The following DPP10 variants were observed in gnomAD, a reference collection of about 807,000 sequenced individuals.
DPP10 encodes inactive dipeptidyl peptidase 10.
DPP10 carries 33 observed loss-of-function variants against 120.9 expected under a neutral mutation model. The observed-to-expected ratio is 0.27, with a 90% CI of 0.21 to 0.37. DPP10 has a LOEUF of 0.37. Among genes scored for constraint, DPP10 ranks in the 10% least tolerant of loss-of-function variants. The probability of loss-of-function intolerance (pLI) is 1.00; values close to 1 mark genes in which losing one functional copy is unlikely to be tolerated. For synonymous variants in DPP10, 337 were observed against 326.1 expected, an observed-to-expected ratio of 1.03 and a Z score of -0.36; for missense variants, 816 against 942.8, an observed-to-expected ratio of 0.87 and a Z score of 1.76.
intron 1 of DPP10, among the ~76,000 whole-genome samples, chr2:115,307,450 T>C (rs2061403572): frequency 6.6e-6 from 1 of 152,136 alleles, no homozygotes; most frequent in South Asian, 2.1e-4. Flanking sequence ...TTCCTGTTCT[T>C]ACATTGTGAA....
chr2:114,859,528 G>T (rs1689644814), intron 1 of DPP10, among the ~76,000 whole-genome samples: 1 of 152,176 alleles, frequency 6.6e-6, no homozygotes, highest in South Asian at 2.1e-4. Flanking sequence ...TGATTCAACA[G>T]ATTATTCACG....
chr2:115,569,530 A>C (rs1451754497), intron 5 of DPP10, among the ~76,000 whole-genome samples: 1 of 152,208 alleles, frequency 6.6e-6, no homozygotes, highest in African/African-American at 2.4e-5. Flanking sequence ...TTAATAAAAG[A>C]GTGTGCTGGT....
At chr2:115,489,357 T>C (rs1224402082) in intron 3 of DPP10, among the ~76,000 whole-genome samples, 2 of 151,502 alleles carry the variant, frequency 1.3e-5, no homozygotes, top group East Asian at 3.9e-4. Context: ...CCAAACAGAC[T>C]CTCTCTTGGC....
intron 1 of DPP10, among the ~76,000 whole-genome samples, chr2:114,988,495 T>G (rs914568449): frequency 6.6e-6 from 1 of 152,196 alleles, no homozygotes; most frequent in African/African-American, 2.4e-5. Flanking sequence ...ATTTTTTTTC[T>G]CATCTACTGC....
intron 1 of DPP10, among the ~76,000 whole-genome samples, chr2:114,630,273 C>A (rs555674421): frequency 6.6e-6 from 1 of 152,200 alleles, no homozygotes; most frequent in Non-Finnish European, 1.5e-5. Context: ...CTGGTCGTGA[C>A]CTCTTAAGAG....
chr2:114,754,715 G>T (rs1679570048), intron 1 of DPP10, among the ~76,000 whole-genome samples: 1 of 152,066 alleles, frequency 6.6e-6, no homozygotes, highest in South Asian at 2.1e-4. Flanking sequence ...AAGGCAGCCT[G>T]TTCACTCGTG....
chr2:115,319,848 G>A (rs1333017376), intron 2 of DPP10, among the ~76,000 whole-genome samples: 2 of 152,132 alleles, frequency 1.3e-5, no homozygotes, highest in Admixed American at 6.6e-5. Flanking sequence ...AAGGAACACT[G>A]CATTCTCACA....
At chr2:114,981,457 A>G (rs1700086615) in intron 1 of DPP10, among the ~76,000 whole-genome samples, 1 of 152,244 alleles carries the variant, frequency 6.6e-6, no homozygotes, top group South Asian at 2.1e-4. Context: ...AAGTGAATAC[A>G]TATGTGCATG....
At chr2:114,810,515 C>A (rs1685089331) in intron 1 of DPP10, among the ~76,000 whole-genome samples, 1 of 152,110 alleles carries the variant, frequency 6.6e-6, no homozygotes, top group African/African-American at 2.4e-5. Context: ...GATCATCATA[C>A]AATAAGATAT....
At chr2:115,600,800 T>C (rs904626373) in intron 5 of DPP10, among the ~76,000 whole-genome samples, 2 of 152,214 alleles carry the variant, frequency 1.3e-5, no homozygotes, top group African/African-American at 4.8e-5. Context: ...GTTGAATATT[T>C]CTGTTTGATT....
chr2:114,911,331 T>G (rs1694353222), intron 1 of DPP10, among the ~76,000 whole-genome samples: 1 of 152,186 alleles, frequency 6.6e-6, no homozygotes, highest in South Asian at 2.1e-4. Context: ...ATGAATCCAT[T>G]TACTCATCTA....
rs188966252 is a variant in DPP10, at chr2:115,753,380, A to G, written c.1074+83A>G. ...AAAGGGGAAACAGGAAATGCTTTGT[A>G]CAAAAAAAATTCAGTGTTTAACTTT... is the stretch of plus-strand genomic sequence containing the variant. On this transcript the variant is annotated intron_variant, in intron 11 of 25. Transcript: ENST00000410059. The G allele has an allele frequency of 5.2e-6, 7 of 1,351,366 alleles. No individual in the cohort carries two copies. In the East Asian group the frequency reaches 7.7e-5, roughly 15 times the overall value. The allele number at this position is 1,351,366 out of a possible 1,614,324, so 83.7% of individuals were successfully genotyped here.
chr2:114,632,714 G>C (rs367548003), intron 1 of DPP10, among the ~76,000 whole-genome samples: 2 of 151,762 alleles, frequency 1.3e-5, no homozygotes, highest in African/African-American at 4.8e-5. Flanking sequence ...GAGTTTCACC[G>C]TGTTAGCCAG....
chr2:114,671,435 A>C (rs1698334184), intron 1 of DPP10, among the ~76,000 whole-genome samples: 1 of 152,118 alleles, frequency 6.6e-6, no homozygotes, highest in African/African-American at 2.4e-5. Context: ...GAGGTGTTTG[A>C]GTCTGCTTGT....
chr2:114,653,023 A>AGTGTGT (rs1307967017), intron 1 of DPP10, among the ~76,000 whole-genome samples: 158 of 102,618 alleles, frequency 1.5e-3, no homozygotes, highest in African/African-American at 7.6e-3. Flanking sequence ...AGAGAGAGAG[A>AGTGTGT]GAGAGTGTGT....
At chr2:115,029,832 T>G (rs1703718347) in intron 1 of DPP10, among the ~76,000 whole-genome samples, 1 of 152,178 alleles carries the variant, frequency 6.6e-6, no homozygotes, top group South Asian at 2.1e-4. Flanking sequence ...AGTGCTTAGT[T>G]TCAGTCTAAT....
chr2:114,467,662 T>A (rs536406624), intron 1 of DPP10, among the ~76,000 whole-genome samples: 2 of 152,342 alleles, frequency 1.3e-5, no homozygotes, highest in East Asian at 3.9e-4. Flanking sequence ...AACTTGATTT[T>A]AATTCTGAAT....
At chr2:115,322,551 A>G (rs1322480970) in intron 2 of DPP10, among the ~76,000 whole-genome samples, 1 of 152,182 alleles carries the variant, frequency 6.6e-6, no homozygotes, top group Admixed American at 6.5e-5. Context: ...TTATTGTGAT[A>G]AACCTGGATT....
At chr2:114,687,818 T>G (rs17043357) in intron 1 of DPP10, among the ~76,000 whole-genome samples, 6,606 of 152,082 alleles carry the variant, frequency 0.043, 170 homozygotes, top group South Asian at 0.089. Flanking sequence ...AGACTCGAGT[T>G]CAGGTACTAG....
Sources: allele counts gnomAD v4.1 joint callset (sites outside exome capture counted in the v4.1 genomes callset), GRCh38; gene constraint gnomAD v4.1.1; transcripts MANE v1.5; gene names NCBI Gene and HGNC (gene_info 2026-07-23, HGNC 2026-07-21).